Variants in TTC28 observed in about 807,000 individuals in gnomAD.
TTC28 encodes tetratricopeptide repeat protein 28.
In TTC28, 61 loss-of-function variants were observed where a neutral mutation model predicts 198.0. The observed-to-expected ratio is 0.31, with a 90% CI of 0.25 to 0.38. TTC28 has a LOEUF of 0.38. TTC28 is among the 10% of genes least tolerant of loss of function. TTC28 has a pLI of 1.00. For missense variants in TTC28, 2,678 were observed against 3,164.0 expected (o/e 0.85, Z 3.69); for synonymous variants, 1,171 against 1,297.8 (o/e 0.90, Z 2.10).
At chr22:28,435,018 A>T (rs959066960) in intron 2 of TTC28, among the ~76,000 whole-genome samples, 2 of 152,224 alleles carry the variant, frequency 1.3e-5, no homozygotes, top group African/African-American at 4.8e-5. Flanking sequence ...AACCAGATAT[A>T]AGATAGATAA....
chr22:27,993,970 C>T (rs1409124310), intron 17 of TTC28, among the ~76,000 whole-genome samples: 1 of 152,244 alleles, frequency 6.6e-6, no homozygotes, highest in Admixed American at 6.5e-5. Flanking sequence ...ATTCTTCCCA[C>T]TCAGCCTTGG....
chr22:28,654,146 CCCA>C (rs912268520), intron 1 of TTC28, among the ~76,000 whole-genome samples: 1 of 152,104 alleles, frequency 6.6e-6, no homozygotes, highest in African/African-American at 2.4e-5. Flanking sequence ...CTGTAGCTCT[CCCA>C]CCATTTCTCC....
At chr22:28,019,586 T>C (rs971866251) in intron 13 of TTC28, among the ~76,000 whole-genome samples, 1 of 152,048 alleles carries the variant, frequency 6.6e-6, no homozygotes, top group Non-Finnish European at 1.5e-5. Flanking sequence ...TGCACTGGAG[T>C]GTGAGGGATG....
chr22:28,588,552 C>T (rs369978477), intron 2 of TTC28, among the ~76,000 whole-genome samples: 372 of 152,264 alleles, frequency 2.4e-3, no homozygotes, highest in Middle Eastern at 0.01. Flanking sequence ...ACACCACTTG[C>T]TATGCATCTC....
intron 2 of TTC28, among the ~76,000 whole-genome samples, chr22:28,338,741 T>C (rs1198446707): frequency 6.6e-6 from 1 of 152,212 alleles, no homozygotes; most frequent in Non-Finnish European, 1.5e-5. Flanking sequence ...GCCATTTGTC[T>C]AATTTTTTTT....
At chr22:28,465,482 G>A (rs955190620) in intron 2 of TTC28, among the ~76,000 whole-genome samples, 3 of 151,996 alleles carry the variant, frequency 2.0e-5, no homozygotes, top group Non-Finnish European at 2.9e-5. Context: ...AAATTAGGCC[G>A]GCGTGGTGGT....
At chr22:28,502,659 G>A (rs146088927) in intron 2 of TTC28, among the ~76,000 whole-genome samples, 1 of 149,568 alleles carries the variant, frequency 6.7e-6, no homozygotes, top group Non-Finnish European at 1.5e-5. Context: ...AAAAAAAAAA[G>A]AAAGAAAGAA....
At chr22:28,677,370 G>A (rs2052014649) in intron 1 of TTC28, among the ~76,000 whole-genome samples, 1 of 151,874 alleles carries the variant, frequency 6.6e-6, no homozygotes, top group Non-Finnish European at 1.5e-5. Context: ...AGATTGGCTG[G>A]GGGCAGTGGC....
At chr22:28,675,734 G>A (rs2051972532) in intron 1 of TTC28, among the ~76,000 whole-genome samples, 1 of 80,920 alleles carries the variant, frequency 1.2e-5, no homozygotes. Context: ...GTGAAACCCT[G>A]TCACACACAC....
intron 2 of TTC28, among the ~76,000 whole-genome samples, chr22:28,617,764 C>T (rs1316848821): frequency 2.6e-5 from 4 of 152,158 alleles, no homozygotes; most frequent in African/African-American, 9.7e-5. Flanking sequence ...ATGCAAAGAA[C>T]CCCAGCAAAA....
chr22:28,495,661 T>A (rs888327322), intron 2 of TTC28, among the ~76,000 whole-genome samples: 2 of 152,178 alleles, frequency 1.3e-5, no homozygotes, highest in Admixed American at 1.3e-4. Context: ...CCTTGTTTGA[T>A]GGTAAATGAA....
intron 2 of TTC28, among the ~76,000 whole-genome samples, chr22:28,422,773 A>G (rs1310006611): frequency 6.6e-6 from 1 of 152,118 alleles, no homozygotes; most frequent in Non-Finnish European, 1.5e-5. Context: ...TCATACCTCT[A>G]TAAGAAGTTT....
At chr22:28,551,540 G>T (rs1220073082) in intron 2 of TTC28, among the ~76,000 whole-genome samples, 1 of 152,132 alleles carries the variant, frequency 6.6e-6, no homozygotes, top group Non-Finnish European at 1.5e-5. Flanking sequence ...CCATGACCAA[G>T]TGGTTTCATA....
At chr22:28,221,194 T>C (rs1927827176) in intron 5 of TTC28, among the ~76,000 whole-genome samples, 1 of 151,916 alleles carries the variant, frequency 6.6e-6, no homozygotes, top group African/African-American at 2.4e-5. Flanking sequence ...AGAGACAGAC[T>C]CAGTGTCTGG....
At chr22:28,589,160 C>T (rs1454223740) in intron 2 of TTC28, among the ~76,000 whole-genome samples, 5 of 152,162 alleles carry the variant, frequency 3.3e-5, no homozygotes, top group East Asian at 1.9e-4. Flanking sequence ...AACTACCAGT[C>T]CCCTATCTTC....
chr22:27,995,357 T>C (rs866480567), intron 17 of TTC28, among the ~76,000 whole-genome samples: 1 of 152,288 alleles, frequency 6.6e-6, no homozygotes, highest in Middle Eastern at 3.4e-3. Flanking sequence ...AGGCTGGCAC[T>C]GGGCTAGGAA....
At chr22:28,210,417 G>C (rs974661978) in intron 5 of TTC28, among the ~76,000 whole-genome samples, 1 of 152,104 alleles carries the variant, frequency 6.6e-6, no homozygotes, top group Non-Finnish European at 1.5e-5. Context: ...TGGCTAACTA[G>C]AATAAACAGT....
chr22:28,442,246 C>T (rs907946470), intron 2 of TTC28, among the ~76,000 whole-genome samples: 1 of 152,206 alleles, frequency 6.6e-6, no homozygotes, highest in Non-Finnish European at 1.5e-5. Context: ...CGCACAGACA[C>T]ACGCCCGTGC....
In TTC28 at chr22:27,983,715, G is replaced by A; in HGVS notation, c.5952C>T (p.Ser1984=). 2 of 1,551,416 alleles carry A rather than the reference G, an allele frequency of 1.3e-6. No homozygotes were observed. The highest frequency in any genetic ancestry group is 2.7e-5 in the African/African-American group (2 of 73,146). ...ACACAGAGATGGCATCTGAGGCGAT[G>A]CTGTCCGCACCGGTGGGAGAGAAGG... ...QPPFSPTGAD[S]IASDAISVYS... The change falls in exon 23 of 23, where the codon AGC becomes AGT. Residue 1984 remains serine (S), a synonymous_variant. Transcript: ENST00000397906.
Sources: gnomAD v4.1 joint callset for allele counts (sites outside exome capture counted in the v4.1 genomes callset) on GRCh38, gnomAD v4.1.1 for gene constraint, MANE v1.5 for transcripts, NCBI Gene and HGNC (gene_info 2026-07-23, HGNC 2026-07-21) for gene names.